Variants in UHRF1 observed in about 807,000 individuals in gnomAD.
The protein encoded by UHRF1 is E3 ubiquitin-protein ligase UHRF1.
A neutral mutation model predicts 96.5 loss-of-function variants in UHRF1; 9 were observed. The ratio of observed to expected loss-of-function variants is 0.09; its 90% CI spans 0.06 to 0.16. The LOEUF is 0.16. UHRF1 is among the 10% of genes least tolerant of loss of function. UHRF1 has a pLI of 1.00. For missense variants in UHRF1, 626 were observed against 1,131.1 expected, an observed-to-expected ratio of 0.55 and a Z score of 6.40; for synonymous variants, 455 against 469.9, an observed-to-expected ratio of 0.97 and a Z score of 0.41.
At chr19:4,931,270 T>C (rs1196044345) in intron 4 of UHRF1, among the ~76,000 whole-genome samples, 1 of 152,154 alleles carries the variant, frequency 6.6e-6, no homozygotes, top group Non-Finnish European at 1.5e-5. Context: ...TGGACACAGA[T>C]GGTGGCTGCG....
At chr19:4,910,687 T>A in intron 1 of UHRF1, 189 bp from the exon 2 acceptor site, 1 of 482,482 alleles carries the variant, frequency 2.1e-6, no homozygotes, top group East Asian at 3.4e-5. Flanking sequence ...TAGTCGTTAA[T>A]GCCTTAAGTG....
rs71170880 is a variant in UHRF1, at chr19:4,938,730, GTTTTTTTTTTTTTTT to G, written c.786-2781_786-2767del. 1.4e-3 allele frequency among the ~76,000 whole-genome samples: 87 copies of G among 61,584 alleles called. 1 individual carries two copies. Among genetic ancestry groups the G allele is most frequent in the African/African-American group, 4.4e-3 (62 of 14,070 alleles). The allele number at this position is 61,584 out of a possible 152,430, so 40.4% of individuals were successfully genotyped here. On this transcript the variant is annotated intron_variant, in intron 5 of 16. Transcript: ENST00000650932. ...GGCATAAGAGTTTTGTTTTGGTCAGGTTTTTTTTTTTTTTTTTTTTTTTTTTTTTTTGAGATAAGG... is the reference window on the plus strand; with the variant it reads ...GGCATAAGAGTTTTGTTTTGGTCAGGTTTTTTTTTTTTTTTTGAGATAAGG...
chr19:4,905,859 C>T (rs2032055462), upstream of UHRF1, among the ~76,000 whole-genome samples: 2 of 152,148 alleles, frequency 1.3e-5, no homozygotes, highest in African/African-American at 4.8e-5. Flanking sequence ...AATTCTTCTT[C>T]CAATGTGGCC....
At chr19:4,956,449 A>G (rs1397793884) in intron 15 of UHRF1, among the ~76,000 whole-genome samples, 1 of 152,218 alleles carries the variant, frequency 6.6e-6, no homozygotes. Context: ...CCTGCCCAGC[A>G]TCATTGAGGC....
intron 13 of UHRF1, among the ~76,000 whole-genome samples, chr19:4,953,334 T>A (rs1305499105): frequency 6.6e-6 from 1 of 152,198 alleles, no homozygotes; most frequent in Non-Finnish European, 1.5e-5. Flanking sequence ...TTTTTTTCCA[T>A]ACGTTTGGAC....
chr19:4,927,016 G>A (rs536345666), intron 2 of UHRF1, among the ~76,000 whole-genome samples: 8 of 151,976 alleles, frequency 5.3e-5, no homozygotes, highest in African/African-American at 1.9e-4. Flanking sequence ...AGCCAAGATC[G>A]TGCCACTGCA....
At chr19:4,941,130 G>A (rs1240649469) in intron 5 of UHRF1, among the ~76,000 whole-genome samples, 8 of 116,178 alleles carry the variant, frequency 6.9e-5, no homozygotes, top group Admixed American at 6.1e-4. Context: ...TTGCCCTGTC[G>A]CCCAGGCTGG....
intron 13 of UHRF1, among the ~76,000 whole-genome samples, chr19:4,953,295 C>T (rs1380540014): frequency 6.6e-6 from 1 of 152,182 alleles, no homozygotes; most frequent in Non-Finnish European, 1.5e-5. Context: ...TGCTTGAAAC[C>T]AGAGAGTACC....
chr19:4,936,154 G>A (rs769348715), intron 5 of UHRF1, among the ~76,000 whole-genome samples: 5 of 152,178 alleles, frequency 3.3e-5, no homozygotes, highest in Non-Finnish European at 7.3e-5. Context: ...CGGCCTTGGG[G>A]CAGACACTGT....
Position 4,961,828 on chromosome 19 carries a change from G to A in UHRF1, c.*1025G>A, listed in dbSNP as rs533892124. On this transcript the variant is annotated 3_prime_UTR_variant, in exon 17 of 17. Transcript: ENST00000650932. ...CACATTTTCTAAATGAATTTTTTTT[G>A]TAGTTACTGTATATGTACCAAGAAA... The A allele has an allele frequency of 6.7e-6, 1 of 149,916 alleles. No homozygotes were observed. The highest frequency in any genetic ancestry group is 2.4e-5 in the African/African-American group (1 of 40,822). The allele number at this position is 149,916 out of a possible 1,614,324, so 9.3% of individuals were successfully genotyped here. A position where few individuals can be genotyped will look rare whatever the true frequency, so the allele number is the denominator to read the frequency against.
chr19:4,931,531 G>C (rs1331814849), intron 4 of UHRF1, among the ~76,000 whole-genome samples: 1 of 150,318 alleles, frequency 6.7e-6, no homozygotes, highest in African/African-American at 2.5e-5. Flanking sequence ...GCAATGGCGT[G>C]GTCTCAGCTC....
At chr19:4,910,772 TG>T in intron 1 of UHRF1, 103 bp from the exon 2 acceptor site, 1 of 1,383,482 alleles carries the variant, frequency 7.2e-7, no homozygotes, top group Non-Finnish European at 9.7e-7. Flanking sequence ...GGGAGTTTCC[TG>T]GTGTCCACAG....
At chr19:4,921,117 C>T (rs538158776) in intron 2 of UHRF1, among the ~76,000 whole-genome samples, 79 of 145,938 alleles carry the variant, frequency 5.4e-4, no homozygotes, top group Non-Finnish European at 9.0e-4. Context: ...AGGGAGACTC[C>T]GTCTCAAAAA....
At chr19:4,945,219 C>T (rs17878266) in intron 9 of UHRF1, among the ~76,000 whole-genome samples, 2,336 of 152,278 alleles carry the variant, frequency 0.015, 55 homozygotes, top group African/African-American at 0.054. Context: ...CTAATGAAGG[C>T]CGGCTTTTAT....
At chr19:4,921,811 A>C (rs1436007632) in intron 2 of UHRF1, among the ~76,000 whole-genome samples, 1 of 152,188 alleles carries the variant, frequency 6.6e-6, no homozygotes, top group Non-Finnish European at 1.5e-5. Flanking sequence ...AACACAAGTA[A>C]CAGGGTTACC....
At chr19:4,927,836 C>T (rs1290553235) in intron 2 of UHRF1, among the ~76,000 whole-genome samples, 1 of 152,162 alleles carries the variant, frequency 6.6e-6, no homozygotes, top group Non-Finnish European at 1.5e-5. Flanking sequence ...ATGCTTAGGT[C>T]GAGAAACCTG....
rs754937663 is a variant in UHRF1, at chr19:4,930,788, C to T, written c.481C>T (p.Arg161Trp). Residue 161 changes from arginine to tryptophan, a missense_variant, in exon 4 of 17, where the codon CGG becomes TGG. Physicochemically the swap from Arg to Trp is moderately radical, Grantham distance 101. Around this residue, in one of 11 missense-constraint regions of UHRF1, gnomAD observed 198 missense variants for 235.1 expected, o/e 0.84. Coordinates refer to ENST00000650932, the MANE Select transcript of UHRF1 (RefSeq NM_001048201.3). The surrounding 1 kb of genome is among the most constrained non-coding windows in gnomAD (Gnocchi z 4.4). Reference sequence around the variant, plus strand: ...TGAGGCGCAGGTGGTCAGGGTGACGCGGAAGGCCCCCTCCCGGGACGAGCC... The same window carrying T: ...TGAGGCGCAGGTGGTCAGGGTGACGTGGAAGGCCCCCTCCCGGGACGAGCC... The part of the protein sequence containing the change: ...WFEAQVVRVT[R>W]KAPSRDEPCS... 33 of 1,613,858 alleles carry T rather than the reference C, an allele frequency of 2.0e-5. No homozygotes were observed. The highest frequency in any genetic ancestry group is 2.3e-5 in the Non-Finnish European group (27 of 1,179,904).
At chr19:4,913,556 C>T (rs981776209) in intron 2 of UHRF1, among the ~76,000 whole-genome samples, 2 of 151,950 alleles carry the variant, frequency 1.3e-5, no homozygotes, top group Admixed American at 6.6e-5. Flanking sequence ...CACCCAGCCA[C>T]GTACATTGTG....
intron 2 of UHRF1, among the ~76,000 whole-genome samples, chr19:4,912,931 T>C (rs2146284854): frequency 6.6e-6 from 1 of 152,118 alleles, no homozygotes; most frequent in South Asian, 2.1e-4. Context: ...GGCTAGTTTT[T>C]GTATCTTTTG....
Sources: allele counts gnomAD v4.1 joint callset (sites outside exome capture counted in the v4.1 genomes callset), GRCh38; gene constraint gnomAD v4.1.1; regional missense constraint gnomAD v4.1.1; non-coding constraint Gnocchi (gnomAD v3.1); transcripts MANE v1.5; gene names NCBI Gene and HGNC (gene_info 2026-07-23, HGNC 2026-07-21).